CACNA2D1: variants seen among roughly 807,000 people sequenced by gnomAD.
The protein encoded by CACNA2D1 is calcium voltage-gated channel auxiliary subunit alpha2delta 1, also known as voltage-dependent calcium channel subunit alpha-2/delta-1.
In CACNA2D1, 53 loss-of-function variants were observed where a neutral mutation model predicts 171.5. The ratio of observed to expected loss-of-function variants is 0.31; its 90% confidence interval spans 0.25 to 0.39. The LOEUF (loss-of-function observed/expected upper bound fraction) is 0.39, where lower values mean the gene tolerates loss of function less well. Ranked by LOEUF, CACNA2D1 falls within the 10% of genes least tolerant of loss-of-function variation. The probability of loss-of-function intolerance (pLI) is 1.00; values close to 1 mark genes in which losing one functional copy is unlikely to be tolerated. For synonymous variants in CACNA2D1, 442 were observed against 443.1 expected (o/e 1.00, Z 0.03); for missense variants, 903 against 1,299.8 (o/e 0.69, Z 4.69).
At chr7:82,093,212 C>G (rs1188637333) in intron 6 of CACNA2D1, among the ~76,000 whole-genome samples, 1 of 152,104 alleles carries the variant, frequency 6.6e-6, no homozygotes, top group African/African-American at 2.4e-5. Flanking sequence ...ACCTCAGTTT[C>G]CTCACTCGTA....
chr7:82,426,259 G>C (rs1696338818), intron 1 of CACNA2D1, among the ~76,000 whole-genome samples: 1 of 151,760 alleles, frequency 6.6e-6, no homozygotes, highest in South Asian at 2.1e-4. Context: ...TGTATAATCT[G>C]ATTCACATCT....
intron 38 of CACNA2D1, 51 bp from the exon 39 acceptor site, chr7:81,950,559 T>C (rs1792401846): frequency 6.4e-7 from 1 of 1,552,248 alleles, no homozygotes; most frequent in South Asian, 1.2e-5. Flanking sequence ...TCTAAAAATC[T>C]TGAAAAATAT....
intron 1 of CACNA2D1, among the ~76,000 whole-genome samples, chr7:82,417,281 GC>G (rs1322196346): frequency 6.6e-6 from 1 of 152,102 alleles, no homozygotes; most frequent in Non-Finnish European, 1.5e-5. Context: ...TAGACTACAG[GC>G]AAAAACCAGA....
chr7:82,308,273 G>A (rs1813983116), intron 3 of CACNA2D1, among the ~76,000 whole-genome samples: 1 of 151,940 alleles, frequency 6.6e-6, no homozygotes, highest in African/African-American at 2.4e-5. Context: ...CTTCCATTGG[G>A]TCAATCAATG....
chr7:82,419,845 C>T (rs1053439388), intron 1 of CACNA2D1, among the ~76,000 whole-genome samples: 1 of 152,108 alleles, frequency 6.6e-6, no homozygotes, highest in African/African-American at 2.4e-5. Flanking sequence ...AAAGTAAAAC[C>T]TTAGATCAGT....
intron 6 of CACNA2D1, among the ~76,000 whole-genome samples, chr7:82,103,851 A>G (rs1812989214): frequency 6.6e-6 from 1 of 152,118 alleles, no homozygotes; most frequent in African/African-American, 2.4e-5. Context: ...TTGTGGCCTA[A>G]TGATAGTTTT....
At chr7:82,196,978 T>C (rs1798918785) in intron 3 of CACNA2D1, among the ~76,000 whole-genome samples, 1 of 152,022 alleles carries the variant, frequency 6.6e-6, no homozygotes, top group Non-Finnish European at 1.5e-5. Flanking sequence ...TCTTCAATTT[T>C]CTGAGGAAAA....
chr7:82,405,705 G>C (rs17156246), intron 1 of CACNA2D1, among the ~76,000 whole-genome samples: 1 of 152,072 alleles, frequency 6.6e-6, no homozygotes, highest in Admixed American at 6.5e-5. Context: ...ATTATAGTTT[G>C]AGTGGTGTCT....
chr7:82,016,346 C>G (rs950333858), intron 12 of CACNA2D1, among the ~76,000 whole-genome samples: 2 of 152,150 alleles, frequency 1.3e-5, no homozygotes, highest in African/African-American at 4.8e-5. Flanking sequence ...TCTCTCATAA[C>G]TAACATTTGA....
At chr7:81,970,643 T>TA (rs1250110199) in intron 27 of CACNA2D1, 32 bp downstream of exon 27, 8 of 1,172,210 alleles carry the variant, frequency 6.8e-6, no homozygotes, top group Non-Finnish European at 1.0e-5. Context: ...TTTTGTAATG[T>TA]ACTTGTTTTT....
intron 3 of CACNA2D1, among the ~76,000 whole-genome samples, chr7:82,290,278 AAGG>A (rs1811352671): frequency 1.3e-5 from 2 of 152,128 alleles, no homozygotes; most frequent in Admixed American, 6.5e-5. Flanking sequence ...TGAGGAGGTA[AAGG>A]AGGAGGAGGC....
Position 82,440,098 on chromosome 7 carries a change from G to A in CACNA2D1, c.95+3267C>T, listed in dbSNP as rs73390083. ...AGCCAAAAGTACTATACTTCTATGA[G>A]AATTTATGCTTATTTCCTGTGGATA... is the stretch of plus-strand genomic sequence containing the variant. On this transcript the variant is annotated intron_variant, in intron 1 of 38. Transcript: ENST00000356860. Among the ~76,000 whole-genome samples, 521 of 151,804 alleles carry A rather than the reference G, an allele frequency of 3.4e-3. 1 individual carries two copies. Among genetic ancestry groups the A allele is most frequent in the African/African-American group, 0.012 (499 of 41,498 alleles).
intron 38 of CACNA2D1, among the ~76,000 whole-genome samples, chr7:81,954,109 C>A (rs1414420349): frequency 6.6e-6 from 1 of 152,058 alleles, no homozygotes; most frequent in Non-Finnish European, 1.5e-5. Flanking sequence ...CTTATTATGG[C>A]ATACATTCTA....
chr7:82,342,805 A>C (rs1818828273), intron 2 of CACNA2D1, among the ~76,000 whole-genome samples: 1 of 152,146 alleles, frequency 6.6e-6, no homozygotes, highest in East Asian at 1.9e-4. Context: ...GAGTTATGGG[A>C]AAATAAAGAG....
At chr7:82,317,571 G>A (rs1278062570) in intron 3 of CACNA2D1, among the ~76,000 whole-genome samples, 1 of 152,126 alleles carries the variant, frequency 6.6e-6, no homozygotes, top group Non-Finnish European at 1.5e-5. Context: ...ACTTTCCTCA[G>A]GACAGGCATT....
At chr7:82,247,343 C>T (rs1395798020) in intron 3 of CACNA2D1, among the ~76,000 whole-genome samples, 3 of 151,876 alleles carry the variant, frequency 2.0e-5, no homozygotes. Context: ...AACCCTGTCT[C>T]TACAAGAAAT....
At chr7:81,956,024 G>GTGAT (rs1017049281) in intron 38 of CACNA2D1, among the ~76,000 whole-genome samples, 2 of 116,946 alleles carry the variant, frequency 1.7e-5, no homozygotes, top group African/African-American at 6.7e-5. Flanking sequence ...GTCTAGCTCT[G>GTGAT]TGATCTAGGC....
At chr7:82,096,944 A>G (rs561580267) in intron 6 of CACNA2D1, among the ~76,000 whole-genome samples, 8 of 152,318 alleles carry the variant, frequency 5.3e-5, no homozygotes, top group South Asian at 4.1e-4. Flanking sequence ...AAGCATCTAA[A>G]TCAAATTTTG....
At chr7:82,060,201 TTATATATATAA>T (rs1806599987) in intron 10 of CACNA2D1, among the ~76,000 whole-genome samples, 1 of 10,424 alleles carries the variant, frequency 9.6e-5, no homozygotes, top group South Asian at 6.3e-3. Context: ...TATATATATA[TTATATATATAA>T]TATATATATA....
Sources: gnomAD v4.1 joint callset for allele counts (sites outside exome capture counted in the v4.1 genomes callset) on GRCh38, gnomAD v4.1.1 for gene constraint, MANE v1.5 for transcripts, NCBI Gene and HGNC (gene_info 2026-07-23, HGNC 2026-07-21) for gene names.